Variants in ACYP2 observed in about 807,000 individuals in gnomAD.
ACYP2 encodes the protein acylphosphatase-2.
A neutral mutation model predicts 11.2 loss-of-function variants in ACYP2; 12 were observed. That is an observed-to-expected ratio of 1.08 (90% confidence interval 0.69 to 1.74). The LOEUF is 1.74. Among genes scored for constraint, ACYP2 ranks in the 40% most tolerant of loss-of-function variants. The probability of loss-of-function intolerance (pLI) is 0.00; values close to 1 mark genes in which losing one functional copy is unlikely to be tolerated. For missense variants in ACYP2, 134 were observed against 101.9 expected, an observed-to-expected ratio of 1.31 and a Z score of -1.35; for synonymous variants, 43 against 32.2, an observed-to-expected ratio of 1.33 and a Z score of -1.13.
intron 2 of ACYP2, among the ~76,000 whole-genome samples, chr2:54,043,788 A>G (rs1239398741): frequency 6.6e-6 from 1 of 152,130 alleles, no homozygotes; most frequent in African/African-American, 2.4e-5. Context: ...ATCTAACCTT[A>G]TTCATAAAAG....
rs1686232494 is a variant in ACYP2 at position 54,231,396 on chromosome 2, A to G, written c.405-73292A>G. Among the ~76,000 whole-genome samples, 7 of 152,354 alleles carry G rather than the reference A, an allele frequency of 4.6e-5. 1 individual carries two copies. The South Asian group carries it at 1.4e-3, about 32-fold the overall frequency. On this transcript the variant is annotated intron_variant, in intron 6 of 6. Transcript: ENST00000607452. ...CTAAGATATAGCATGCATCCAAGAA[A>G]TGCAGTATCTTTCTGTTAACATAAA...
At chr2:54,116,661 A>T (rs1193253409) in intron 4 of ACYP2, among the ~76,000 whole-genome samples, 1 of 152,186 alleles carries the variant, frequency 6.6e-6, no homozygotes, top group Non-Finnish European at 1.5e-5. Context: ...AAAAAGAAGA[A>T]CTAGCGCTCA....
At chr2:54,089,418 T>G (rs1678107183) in intron 4 of ACYP2, among the ~76,000 whole-genome samples, 1 of 151,670 alleles carries the variant, frequency 6.6e-6, no homozygotes, top group Non-Finnish European at 1.5e-5. Context: ...ATATATCTCC[T>G]GGCTATTAAG....
At chr2:53,999,494 A>G (rs188398119) in intron 2 of ACYP2, among the ~76,000 whole-genome samples, 6 of 152,250 alleles carry the variant, frequency 3.9e-5, no homozygotes, top group Admixed American at 2.0e-4. Flanking sequence ...AACCAAGGGA[A>G]TTGTGGGAAG....
intron 6 of ACYP2, among the ~76,000 whole-genome samples, chr2:54,195,794 GT>G (rs1168917459): frequency 5.1e-3 from 421 of 83,144 alleles, no homozygotes; most frequent in African/African-American, 0.015. Context: ...TTTGTTGTGG[GT>G]TTTTTTTTTT....
intron 4 of ACYP2, among the ~76,000 whole-genome samples, chr2:54,126,994 C>T (rs116493461): frequency 0.025 from 3,779 of 149,928 alleles, 156 homozygotes; most frequent in African/African-American, 0.088. Context: ...AAGTATATTA[C>T]AGTGAAAGAT....
chr2:54,219,791 ATGTGTGTG>A (rs146554219), intron 6 of ACYP2, among the ~76,000 whole-genome samples: 26 of 128,140 alleles, frequency 2.0e-4, no homozygotes, highest in South Asian at 7.6e-4. Flanking sequence ...GCTAATTTTT[ATGTGTGTG>A]TGTGTGTGTG....
chr2:54,037,875 A>C (rs1252721345), intron 2 of ACYP2, among the ~76,000 whole-genome samples: 3 of 152,216 alleles, frequency 2.0e-5, no homozygotes, highest in African/African-American at 7.2e-5. Context: ...TCAATAAACT[A>C]TGAGAAACTT....
chr2:54,067,130 C>G (rs909110026), intron 4 of ACYP2, among the ~76,000 whole-genome samples: 1 of 152,136 alleles, frequency 6.6e-6, no homozygotes, highest in South Asian at 2.1e-4. Context: ...AAGCATTATA[C>G]AAATGCAGAT....
At chr2:54,045,310 C>T (rs1327034666) in intron 2 of ACYP2, among the ~76,000 whole-genome samples, 1 of 152,188 alleles carries the variant, frequency 6.6e-6, no homozygotes, top group African/African-American at 2.4e-5. Context: ...TGAGGGTCTC[C>T]TCCCATCTTC....
intron 4 of ACYP2, among the ~76,000 whole-genome samples, chr2:54,119,750 A>G (rs1194079522): frequency 6.6e-6 from 1 of 152,240 alleles, no homozygotes; most frequent in Non-Finnish European, 1.5e-5. Flanking sequence ...TGGATACATT[A>G]TTATGAACTA....
At chr2:53,986,873 C>G (rs961348439) in intron 2 of ACYP2, among the ~76,000 whole-genome samples, 3 of 152,044 alleles carry the variant, frequency 2.0e-5, no homozygotes, top group Non-Finnish European at 4.4e-5. Flanking sequence ...GATCCACCTG[C>G]CTTGGCCTCC....
intron 4 of ACYP2, among the ~76,000 whole-genome samples, chr2:54,073,305 T>G (rs1420979012): frequency 6.6e-6 from 1 of 151,160 alleles, no homozygotes; most frequent in Non-Finnish European, 1.5e-5. Context: ...GGTGGGAAGA[T>G]CTCTTGAGCC....
At chr2:54,073,567 A>G (rs1677175887) in intron 4 of ACYP2, among the ~76,000 whole-genome samples, 1 of 152,232 alleles carries the variant, frequency 6.6e-6, no homozygotes, top group Non-Finnish European at 1.5e-5. Flanking sequence ...TTGTGTTTCA[A>G]AAGACACCAC....
chr2:54,168,097 T>C (rs183519082), intron 6 of ACYP2, among the ~76,000 whole-genome samples: 265 of 152,220 alleles, frequency 1.7e-3, no homozygotes, highest in African/African-American at 6.2e-3. Flanking sequence ...ATTCACTTTT[T>C]CCATTGTCTT....
chr2:54,201,676 T>G lies in ACYP2; in HGVS notation c.404+62928T>G, dbSNP rs796334235. 2.7e-3 allele frequency among the ~76,000 whole-genome samples: 296 copies of G among 108,772 alleles called. 1 individual carries two copies. The highest frequency in any genetic ancestry group is 5.7e-3 in the African/African-American group (156 of 27,526). 71.4% of individuals were successfully genotyped at this position (108,772 alleles called of 152,430 possible). On this transcript the variant is annotated intron_variant, in intron 6 of 6. Coordinates refer to ENST00000607452, the MANE Select transcript of ACYP2 (RefSeq NM_001320586.2). ...TTTCTTTCTTTCTTTCTTTCTTTCT[T>G]TCTTTCTCTCTCTCTCTCTCTCTTT...
chr2:54,065,583 G>C (rs894095514), intron 4 of ACYP2: 5 of 398,308 alleles, frequency 1.3e-5, no homozygotes, highest in African/African-American at 2.1e-5. Context: ...TGCAGTGCTT[G>C]ATTCAACAGA....
chr2:54,274,658 T>C (rs1348928409), intron 6 of ACYP2, among the ~76,000 whole-genome samples: 2 of 139,626 alleles, frequency 1.4e-5, no homozygotes, highest in Admixed American at 7.1e-5. Flanking sequence ...AAAAAAGTTC[T>C]CTGAAACTAA....
intron 2 of ACYP2, among the ~76,000 whole-genome samples, chr2:54,050,038 G>T (rs544728762): frequency 6.6e-6 from 1 of 152,080 alleles, no homozygotes; most frequent in African/African-American, 2.4e-5. Flanking sequence ...ATAAATGCGT[G>T]TATTTCTGTG....
Sources: gnomAD v4.1 joint callset for allele counts (sites outside exome capture counted in the v4.1 genomes callset) on GRCh38, gnomAD v4.1.1 for gene constraint, MANE v1.5 for transcripts, NCBI Gene and HGNC (gene_info 2026-07-23, HGNC 2026-07-21) for gene names.